The following MORN1 variants were observed in gnomAD, a reference collection of about 807,000 sequenced individuals.
MORN1 encodes the protein MORN repeat containing 1, also known as MORN repeat-containing protein 1.
MORN1 carries 67 observed loss-of-function variants against 61.9 expected under a neutral mutation model. The ratio of observed to expected loss-of-function variants is 1.08; its 90% CI spans 0.89 to 1.33. The LOEUF is 1.33. Ranked by LOEUF, MORN1 falls within the 40% of genes most tolerant of loss-of-function variation. The pLI is 0.00. For synonymous variants in MORN1, 301 were observed against 292.0 expected (o/e 1.03, Z -0.31); for missense variants, 752 against 691.2 (o/e 1.09, Z -0.99).
At chr1:2,355,780 C>CCCCTCAG (rs1283876170) in intron 10 of MORN1, among the ~76,000 whole-genome samples, 3 of 152,226 alleles carry the variant, frequency 2.0e-5, no homozygotes, top group Non-Finnish European at 4.4e-5. Context: ...GCCAACCACG[C>CCCCTCAG]CCCTCAGCCC....
Position 2,369,330 on chromosome 1 carries a change from G to C in MORN1, c.745+3151C>G, listed in dbSNP as rs117482817. On this transcript the variant is annotated intron_variant, in intron 8 of 13. Transcript: ENST00000378531. ...GATTGAGCCACTGCACTCTAGCCTG[G>C]ATGACAGAGCAAAACTCAGTCTCAG... Among the ~76,000 whole-genome samples, 142 of 138,184 alleles carry C rather than the reference G, an allele frequency of 1.0e-3. 3 individuals carry two copies. The East Asian group carries it at 0.029, about 28-fold the overall frequency. The allele number at this position is 138,184 out of a possible 152,430, so 90.7% of individuals were successfully genotyped here.
At chr1:2,321,969 T>A in intron 13 of MORN1, 1 of 968,958 alleles carries the variant, frequency 1.0e-6, no homozygotes, top group South Asian at 4.8e-5. Flanking sequence ...CTTTCCTACT[T>A]TTTTAGGAGA....
chr1:2,365,648 G>A (rs1641982250), intron 8 of MORN1, among the ~76,000 whole-genome samples: 1 of 151,642 alleles, frequency 6.6e-6, no homozygotes, highest in Admixed American at 6.6e-5. Flanking sequence ...TTTTCAAAGG[G>A]AATGCTTCCA....
At chr1:2,351,679 G>T in intron 10 of MORN1, 2 of 418,224 alleles carry the variant, frequency 4.8e-6, no homozygotes. Flanking sequence ...TTTTCTTCAC[G>T]TGCTGGTTGC....
At chr1:2,325,161 C>CTTCCTTCCT (rs1640990973) in intron 12 of MORN1, among the ~76,000 whole-genome samples, 1 of 113,902 alleles carries the variant, frequency 8.8e-6, no homozygotes, top group African/African-American at 3.2e-5. Flanking sequence ...CCTTCCCTCC[C>CTTCCTTCCT]TTCCTTCCTT....
At chr1:2,336,947 C>T (rs534789335) in intron 10 of MORN1, 97 bp from the exon 11 acceptor site, 6 of 1,297,878 alleles carry the variant, frequency 4.6e-6, no homozygotes, top group Non-Finnish European at 6.0e-6. Context: ...CTGGCCAGGG[C>T]AGCGGGCACA....
At chr1:2,366,940 A>AT (rs1269411722) in intron 8 of MORN1, among the ~76,000 whole-genome samples, 2 of 152,180 alleles carry the variant, frequency 1.3e-5, no homozygotes. Context: ...CATACACAGA[A>AT]TATCAATAAT....
At chr1:2,383,722 G>GC (rs1557893072) in intron 6 of MORN1, among the ~76,000 whole-genome samples, 1 of 152,162 alleles carries the variant, frequency 6.6e-6, no homozygotes. Flanking sequence ...CGCTCAGGGG[G>GC]CCCCTCACAG....
chr1:2,327,743 T>C (rs2100231155), intron 12 of MORN1, among the ~76,000 whole-genome samples: 1 of 152,358 alleles, frequency 6.6e-6, no homozygotes, highest in Non-Finnish European at 1.5e-5. Context: ...GCACCACCTC[T>C]GCAAGGCTAA....
chr1:2,370,877 A>T (rs1255522748), intron 8 of MORN1, among the ~76,000 whole-genome samples: 1 of 150,340 alleles, frequency 6.7e-6, no homozygotes, highest in East Asian at 2.0e-4. Context: ...TTTTTTAGGG[A>T]TGGGGTCTCA....
intron 10 of MORN1, chr1:2,352,100 T>A: frequency 2.1e-6 from 1 of 478,028 alleles, no homozygotes; most frequent in East Asian, 5.1e-5. Context: ...CCCTGCAATG[T>A]GTCTTGTGAA....
chr1:2,370,385 A>T (rs545769762), intron 8 of MORN1, among the ~76,000 whole-genome samples: 1 of 152,332 alleles, frequency 6.6e-6, no homozygotes, highest in South Asian at 2.1e-4. Flanking sequence ...GAACTATAAG[A>T]GTTCTGGAGG....
intron 10 of MORN1, among the ~76,000 whole-genome samples, chr1:2,341,916 C>T (rs999498480): frequency 3.9e-5 from 6 of 152,204 alleles, no homozygotes; most frequent in Non-Finnish European, 8.8e-5. Context: ...TGTGTCAGCT[C>T]ATCAAACTCT....
intron 12 of MORN1, among the ~76,000 whole-genome samples, chr1:2,327,341 G>GAGAC (rs1417261302): frequency 5.8e-5 from 6 of 104,260 alleles, no homozygotes; most frequent in East Asian, 2.7e-4. Context: ...GAAACACACA[G>GAGAC]ACAGAAACAA....
chr1:2,359,216 C>G (rs1641841552), intron 8 of MORN1, among the ~76,000 whole-genome samples: 1 of 152,118 alleles, frequency 6.6e-6, no homozygotes. Flanking sequence ...ATAGCAGGCT[C>G]TCCGTGCCCA....
At chr1:2,380,876 G>A (rs987818318) in intron 6 of MORN1, among the ~76,000 whole-genome samples, 1 of 152,156 alleles carries the variant, frequency 6.6e-6, no homozygotes, top group African/African-American at 2.4e-5. Context: ...TTTTTAAAGC[G>A]GGCTAAATAT....
In MORN1 at chr1:2,334,960, C is replaced by T. The variant is rs190339231; in HGVS notation, c.1250+1509G>A. On this transcript the variant is annotated intron_variant, in intron 12 of 13. Coordinates refer to ENST00000378531, the MANE Select transcript of MORN1 (RefSeq NM_024848.3). The surrounding 1 kb of genome is among the most constrained non-coding windows in gnomAD (Gnocchi z 5.4). ...AGTCTGTGGGAGTGACAGAATGTCT[C>T]GGCTTTTGGCTCTCGCAGACGCTCC... is the stretch of plus-strand genomic sequence containing the variant. Among the ~76,000 whole-genome samples, 19 of 152,324 alleles carry T rather than the reference C, an allele frequency of 1.2e-4. No homozygotes were observed. The East Asian group carries it at 1.4e-3, about 11-fold the overall frequency.
intron 6 of MORN1, among the ~76,000 whole-genome samples, chr1:2,381,804 G>A (rs925145356): frequency 3.9e-5 from 6 of 152,192 alleles, no homozygotes; most frequent in Non-Finnish European, 8.8e-5. Flanking sequence ...GGCCATCCCA[G>A]GCCATCCTCC....
intron 11 of MORN1, 48 bp from the exon 12 acceptor site, chr1:2,336,596 G>A: frequency 1.9e-6 from 3 of 1,607,202 alleles, no homozygotes; most frequent in Non-Finnish European, 2.6e-6. Context: ...CTCAGAAGGT[G>A]GGCCTAGGAG....
Sources: allele counts gnomAD v4.1 joint callset (sites outside exome capture counted in the v4.1 genomes callset), GRCh38; gene constraint gnomAD v4.1.1; non-coding constraint Gnocchi (gnomAD v3.1); transcripts MANE v1.5; gene names NCBI Gene and HGNC (gene_info 2026-07-23, HGNC 2026-07-21).